DOCK8: variants seen among roughly 807,000 people sequenced by gnomAD.
DOCK8 encodes dedicator of cytokinesis 8, also known as dedicator of cytokinesis protein 8.
Under a neutral mutation model 245.6 loss-of-function variants are expected in DOCK8, and 141 were observed. That is an observed-to-expected ratio of 0.57 (90% CI 0.50 to 0.66). The LOEUF (loss-of-function observed/expected upper bound fraction) is 0.66. DOCK8 is among the 30% of genes least tolerant of loss of function. DOCK8 has a pLI of 0.00. For missense variants in DOCK8, 2,965 were observed against 2,603.4 expected, an observed-to-expected ratio of 1.14 and a Z score of -3.02; for synonymous variants, 1,168 against 970.2, an observed-to-expected ratio of 1.20 and a Z score of -3.79.
chr9:334,072 A>T (rs2051187918), intron 10 of DOCK8, among the ~76,000 whole-genome samples, 153 bp from the exon 11 acceptor site: 1 of 151,686 alleles, frequency 6.6e-6, no homozygotes, highest in African/African-American at 2.4e-5. Context: ...TTTTCTGCCT[A>T]TTCACTGTTT....
intron 26 of DOCK8, among the ~76,000 whole-genome samples, chr9:400,619 A>ACCACCATCACCACCT (rs2054907100): frequency 1.8e-5 from 1 of 56,098 alleles, no homozygotes. Flanking sequence ...CACCACCTCC[A>ACCACCATCACCACCT]CCACCATCAC....
At chr9:329,981 C>G (rs1319644487) in intron 9 of DOCK8, among the ~76,000 whole-genome samples, 1 of 152,222 alleles carries the variant, frequency 6.6e-6, no homozygotes, top group Non-Finnish European at 1.5e-5. Flanking sequence ...ATTGTTGCTT[C>G]TTTCCCTTTA....
chr9:433,575 G>A (rs2056792235), intron 37 of DOCK8, among the ~76,000 whole-genome samples: 1 of 152,152 alleles, frequency 6.6e-6, no homozygotes, highest in Non-Finnish European at 1.5e-5. Flanking sequence ...AACTTTTCAG[G>A]TTACAAATAA....
rs765023093 is a variant in DOCK8, at chr9:463,712, C to G, written c.6239+25C>G. ...GGTAAGAACAGGGCAGAGGAGGCCT[C>G]TTCCTGTGGGATAAAGAGCAGCGCA... On this transcript the variant is annotated intron_variant, in intron 47 of 47. Coordinates refer to ENST00000432829, the MANE Select transcript of DOCK8 (RefSeq NM_203447.4). 17 of 1,613,382 alleles carry G rather than the reference C, an allele frequency of 1.1e-5. No homozygotes were observed. The East Asian group carries it at 3.8e-4, about 36-fold the overall frequency.
chr9:446,287 G>T, intron 43 of DOCK8, 83 bp from the exon 44 acceptor site: 1 of 1,166,116 alleles, frequency 8.6e-7, no homozygotes, highest in South Asian at 1.2e-5. Context: ...GGCACGCCGT[G>T]TTCCTGCATG....
At position 405,044 on chromosome 9, in the gene DOCK8, A is replaced by G. The variant is rs373466608; in HGVS notation, c.3361A>G (p.Thr1121Ala). 21 of 1,613,822 alleles carry G rather than the reference A, an allele frequency of 1.3e-5. No homozygotes were observed. The East Asian group carries it at 1.3e-4, about 10-fold the overall frequency. Residue 1121 changes from threonine (T) to alanine (A), a missense_variant, in exon 27 of 48, where the codon ACA (threonine) becomes GCA (alanine). Physicochemically the swap from Thr to Ala is moderately conservative, Grantham distance 58. This residue lies in a region of DOCK8 where 2,825 missense variants were observed against 2,453.5 expected (regional missense o/e 1.15). Coordinates refer to ENST00000432829, the MANE Select transcript of DOCK8 (RefSeq NM_203447.4). ...TTTTATGAATGCTGATACTGCTCCAACATCTCCTTGTCCTTCCATATCTTC... is the reference window on the plus strand; with the variant it reads ...TTTTATGAATGCTGATACTGCTCCAGCATCTCCTTGTCCTTCCATATCTTC... Reference protein sequence around the residue: ...LFFMNADTAPTSPCPSISSQN... With the variant: ...LFFMNADTAPASPCPSISSQN...
intron 1 of DOCK8, among the ~76,000 whole-genome samples, chr9:239,940 G>C (rs1201060809): frequency 6.6e-6 from 1 of 152,104 alleles, no homozygotes; most frequent in Non-Finnish European, 1.5e-5. Flanking sequence ...TCTGTATTGA[G>C]CTACATTGAT....
chr9:441,844 T>C, intron 41 of DOCK8, 31 bp from the exon 42 acceptor site: 1 of 1,614,046 alleles, frequency 6.2e-7, no homozygotes, highest in South Asian at 1.1e-5. Context: ...ATGACATAAC[T>C]AAGGAGAGCT....
At chr9:439,195 T>C in intron 39 of DOCK8, 50 bp from the exon 40 acceptor site, 1 of 1,613,646 alleles carries the variant, frequency 6.2e-7, no homozygotes, top group Non-Finnish European at 8.5e-7. Context: ...TGTGGTCTCT[T>C]ACTAGTCTGG....
chr9:242,254 A>G (rs1480107834), intron 1 of DOCK8, among the ~76,000 whole-genome samples: 3 of 152,138 alleles, frequency 2.0e-5, no homozygotes, highest in African/African-American at 7.2e-5. Flanking sequence ...CCCCCAAAAA[A>G]TGACTGCTGT....
At chr9:329,937 C>G (rs2050932995) in intron 9 of DOCK8, among the ~76,000 whole-genome samples, 2 of 152,210 alleles carry the variant, frequency 1.3e-5, no homozygotes, top group South Asian at 4.1e-4. Flanking sequence ...CCCTGGTTGG[C>G]TTTCTGTTTG....
At chr9:363,231 C>T (rs16935049) in intron 14 of DOCK8, among the ~76,000 whole-genome samples, 5,495 of 152,272 alleles carry the variant, frequency 0.036, 344 homozygotes, top group African/African-American at 0.13. Context: ...TAAGATTATA[C>T]TAAATGCCTG....
intron 2 of DOCK8, 80 bp downstream of exon 2, chr9:271,809 A>G (rs1387039172): frequency 7.6e-6 from 7 of 921,458 alleles, no homozygotes; most frequent in Non-Finnish European, 1.2e-5. Context: ...CCTGTTCCTT[A>G]GATCTTCCTA....
intron 5 of DOCK8, among the ~76,000 whole-genome samples, chr9:308,175 T>C (rs2049935097): frequency 6.6e-6 from 1 of 152,056 alleles, no homozygotes; most frequent in South Asian, 2.1e-4. Flanking sequence ...TAATTTATTC[T>C]GTGTTTCCAA....
At chr9:355,063 A>T (rs1035098788) in intron 14 of DOCK8, among the ~76,000 whole-genome samples, 8 of 152,152 alleles carry the variant, frequency 5.3e-5, no homozygotes, top group Admixed American at 2.0e-4. Flanking sequence ...ATGAAGCTAC[A>T]AAACATTGAA....
At chr9:401,089 C>T (rs1468707354) in intron 26 of DOCK8, among the ~76,000 whole-genome samples, 1 of 151,206 alleles carries the variant, frequency 6.6e-6, no homozygotes, top group Admixed American at 6.6e-5. Flanking sequence ...CCACCACCTC[C>T]ACCACCATCA....
chr9:306,369 T>G (rs1023143650), intron 5 of DOCK8, among the ~76,000 whole-genome samples: 6 of 152,182 alleles, frequency 3.9e-5, no homozygotes, highest in African/African-American at 1.4e-4. Flanking sequence ...TATGGGAGAT[T>G]TAAGGAATTT....
Position 343,843 on chromosome 9 carries a change from A to G in DOCK8, c.1679+3522A>G, listed in dbSNP as rs144945551. Among the ~76,000 whole-genome samples the G allele has an allele frequency of 3.4e-3, 512 of 152,350 alleles. 2 individuals are homozygous for G. Among genetic ancestry groups the G allele is most frequent in the African/African-American group, 0.012 (486 of 41,592 alleles). ...TGGCATTGGAAGAGACTTGCATCCA[A>G]TGAATTCTGTAGTTATTCAACTTCC... is the stretch of plus-strand genomic sequence containing the variant. On this transcript the variant is annotated intron_variant, in intron 14 of 47. Coordinates refer to ENST00000432829, the MANE Select transcript of DOCK8 (RefSeq NM_203447.4).
At chr9:414,294 A>T (rs527635807) in intron 28 of DOCK8, among the ~76,000 whole-genome samples, 219 of 152,394 alleles carry the variant, frequency 1.4e-3, no homozygotes, top group African/African-American at 5.1e-3. Flanking sequence ...AATGTTTATC[A>T]GTTGATGAAT....
Sources: gnomAD v4.1 joint callset for allele counts (sites outside exome capture counted in the v4.1 genomes callset) on GRCh38, gnomAD v4.1.1 for gene constraint, gnomAD v4.1.1 regional missense constraint, MANE v1.5 for transcripts, NCBI Gene and HGNC (gene_info 2026-07-23, HGNC 2026-07-21) for gene names.